Variants in COLEC12 observed in about 807,000 individuals in gnomAD.
COLEC12 encodes collectin-12.
COLEC12 carries 33 observed loss-of-function variants against 71.1 expected under a neutral mutation model. The ratio of observed to expected loss-of-function variants is 0.46; its 90% CI spans 0.35 to 0.62. The LOEUF (loss-of-function observed/expected upper bound fraction) is 0.62, where lower values mean the gene tolerates loss of function less well. Among genes scored for constraint, COLEC12 ranks in the 20% least tolerant of loss-of-function variants. The pLI is 0.00. For synonymous variants in COLEC12, 350 were observed against 353.0 expected (o/e 0.99, Z 0.10); for missense variants, 765 against 916.1 (o/e 0.84, Z 2.13).
intron 2 of COLEC12, among the ~76,000 whole-genome samples, chr18:423,312 G>GT (rs1174134394): frequency 6.6e-6 from 1 of 152,132 alleles, no homozygotes; most frequent in African/African-American, 2.4e-5. Flanking sequence ...CCTAGAACAT[G>GT]TGCAGGACAT....
At position 327,829 on chromosome 18, in the gene COLEC12, G is replaced by A. The variant is rs7241801; in HGVS notation, c.2063+3839C>T. Among the ~76,000 whole-genome samples the A allele has an allele frequency of 6.6e-6, 1 of 152,220 alleles. No individual in the cohort carries two copies. Among genetic ancestry groups the A allele is most frequent in the East Asian group, 1.9e-4 (1 of 5,180 alleles). On this transcript the variant is annotated intron_variant, in intron 8 of 9. Coordinates refer to ENST00000400256, the MANE Select transcript of COLEC12 (RefSeq NM_130386.3). This position sits in a 1 kb window ranked among gnomAD's most constrained non-coding sequence, Gnocchi z 4.0. The stretch of plus-strand genomic sequence containing the variant: ...GGGATGGGACGGTGCCAGGCCCATC[G>A]GCTTCTATTTTTTGGAAGAGTTTAA...
At chr18:382,215 A>G (rs1047635486) in intron 2 of COLEC12, among the ~76,000 whole-genome samples, 6 of 152,242 alleles carry the variant, frequency 3.9e-5, no homozygotes, top group Non-Finnish European at 8.8e-5. Context: ...GTGTCTTTAA[A>G]TTATCAAAAT....
At chr18:386,071 A>C (rs1915338841) in intron 2 of COLEC12, among the ~76,000 whole-genome samples, 1 of 151,594 alleles carries the variant, frequency 6.6e-6, no homozygotes, top group East Asian at 1.9e-4. Context: ...ACTGTGGGAA[A>C]AGTTAGGATT....
chr18:374,500 G>C (rs776875842), intron 2 of COLEC12, among the ~76,000 whole-genome samples: 10 of 152,244 alleles, frequency 6.6e-5, no homozygotes, highest in Non-Finnish European at 1.5e-4. Flanking sequence ...CATATGTTTG[G>C]GCATGATTTC....
intron 2 of COLEC12, among the ~76,000 whole-genome samples, chr18:419,362 C>T (rs1048996867): frequency 1.3e-5 from 2 of 152,144 alleles, no homozygotes; most frequent in African/African-American, 4.8e-5. Context: ...CATGCCACCA[C>T]ACTAGGCTAA....
At chr18:455,049 C>G (rs1036139236) in intron 2 of COLEC12, among the ~76,000 whole-genome samples, 3 of 152,128 alleles carry the variant, frequency 2.0e-5, no homozygotes, top group African/African-American at 7.2e-5. Flanking sequence ...AGAAACATTC[C>G]CATCCCCTCA....
rs1430453202 is a variant in COLEC12, at chr18:362,222, C to G, written c.59-4700G>C. The stretch of plus-strand genomic sequence containing the variant: ...CCAAAGAGCTGGGGCACTTCCTCAC[C>G]GTGTGCATTTCTCACTGCTGACTCT... On this transcript the variant is annotated intron_variant, in intron 2 of 9. Transcript: ENST00000400256. This position sits in a 1 kb window ranked among gnomAD's most constrained non-coding sequence, Gnocchi z 4.6. Among the ~76,000 whole-genome samples the G allele has an allele frequency of 6.6e-6, 1 of 152,230 alleles. No homozygotes were observed. Among genetic ancestry groups the G allele is most frequent in the African/African-American group, 2.4e-5 (1 of 41,472 alleles).
chr18:371,976 G>C (rs674093), intron 2 of COLEC12, among the ~76,000 whole-genome samples: 65,969 of 151,970 alleles, frequency 0.43, 14,399 homozygotes, highest in Middle Eastern at 0.49. Flanking sequence ...AGGCACTGTG[G>C]TGATTCCTGC....
chr18:350,298 T>C (rs571993020), intron 3 of COLEC12, among the ~76,000 whole-genome samples: 187 of 152,312 alleles, frequency 1.2e-3, no homozygotes, highest in Non-Finnish European at 2.1e-3. Flanking sequence ...TTTCTCTTGC[T>C]GCTGCCGTGT....
intron 8 of COLEC12, among the ~76,000 whole-genome samples, chr18:329,263 C>T (rs1205821079): frequency 2.6e-5 from 4 of 152,224 alleles, no homozygotes; most frequent in African/African-American, 9.6e-5. Flanking sequence ...TGGGCCAATC[C>T]AGTTTTTTTC....
At chr18:491,019 G>C (rs1432429787) in intron 1 of COLEC12, among the ~76,000 whole-genome samples, 1 of 152,206 alleles carries the variant, frequency 6.6e-6, no homozygotes, top group East Asian at 1.9e-4. Context: ...TGGTATCACT[G>C]GTTGTTAAAA....
In COLEC12 at chr18:394,186, A is replaced by G. The variant is rs1915520611; in HGVS notation, c.59-36664T>C. Among the ~76,000 whole-genome samples the G allele has an allele frequency of 2.0e-5, 3 of 152,376 alleles. No homozygotes were observed. The South Asian group carries it at 6.2e-4, about 32-fold the overall frequency. On this transcript the variant is annotated intron_variant, in intron 2 of 9. Coordinates refer to ENST00000400256, the MANE Select transcript of COLEC12 (RefSeq NM_130386.3). ...AAAGCAATTGAGTAAAGTCAGAAAT[A>G]GAGAAAATTGTGCCCAATTCTGTTT...
chr18:337,795 T>A (rs1161840385), intron 5 of COLEC12, among the ~76,000 whole-genome samples: 1 of 152,162 alleles, frequency 6.6e-6, no homozygotes, highest in Non-Finnish European at 1.5e-5. Flanking sequence ...GAACTTCTTG[T>A]CTCTTTGCTG....
Position 335,175 on chromosome 18 carries a change from G to A in COLEC12, c.1383C>T (p.Gly461=), listed in dbSNP as rs2143441562. ...CTTTCTGTCCCTTGTTGCCAGTTGG[G>A]CCAGGGGGTCCCTGGGATCCTCTGT... ...RGDRGSQGPP[G]PTGNKGQKGE... is the part of the protein sequence containing the mutation. The change falls in exon 6 of 10, where the codon GGC becomes GGT. Residue 461 remains glycine (G), a synonymous_variant. Transcript: ENST00000400256. 6.2e-7 allele frequency: 1 copy of A among 1,611,898 alleles called. No homozygotes were observed. Among genetic ancestry groups the A allele is most frequent in the East Asian group, 2.2e-5 (1 of 44,720 alleles).
chr18:357,518 A>G lies in COLEC12; in HGVS notation c.63T>C (p.Ile21=). The part of the protein sequence containing the change: ...VQSFGYKRFG[I]QEGTQCTKCK... Reference sequence around the variant, plus strand: ...ATTTGGTACATTGTGTTCCTTCCTGAATACCTGTAAGAGAAGTCAAATTTT... The same window carrying G: ...ATTTGGTACATTGTGTTCCTTCCTGGATACCTGTAAGAGAAGTCAAATTTT... Residue 21 remains isoleucine, a synonymous_variant, in exon 3 of 10, where the codon ATT becomes ATC. Coordinates refer to ENST00000400256, the MANE Select transcript of COLEC12 (RefSeq NM_130386.3). 2 of 1,548,790 alleles carry G rather than the reference A, an allele frequency of 1.3e-6. No individual in the cohort carries two copies. The highest frequency in any genetic ancestry group is 1.7e-6 in the Non-Finnish European group (2 of 1,145,016).
chr18:377,357 C>T (rs923955217), intron 2 of COLEC12, among the ~76,000 whole-genome samples: 4 of 152,208 alleles, frequency 2.6e-5, no homozygotes, highest in South Asian at 2.1e-4. Flanking sequence ...GTCAGGCTGC[C>T]GCCTGAAACT....
rs927240637 is a variant in COLEC12 at position 353,162 on chromosome 18, C to T, written c.181+4238G>A. ...TTGACTCCACTTCTCCTTGAAGGTC[C>T]GCTCCACACCTCACTACCCCATTGT... On this transcript the variant is annotated intron_variant, in intron 3 of 9. Coordinates refer to ENST00000400256, the MANE Select transcript of COLEC12 (RefSeq NM_130386.3). 4.6e-5 allele frequency among the ~76,000 whole-genome samples: 7 copies of T among 152,262 alleles called. No individual in the cohort carries two copies. In the South Asian group the frequency reaches 8.3e-4, roughly 18 times the overall value.
At chr18:402,845 C>T (rs532701815) in intron 2 of COLEC12, among the ~76,000 whole-genome samples, 53 of 152,140 alleles carry the variant, frequency 3.5e-4, no homozygotes, top group African/African-American at 1.3e-3. Flanking sequence ...TCTGAAGCGT[C>T]TCTCAGGAAG....
chr18:497,538 G>A (rs979814819), intron 1 of COLEC12, among the ~76,000 whole-genome samples: 1 of 152,170 alleles, frequency 6.6e-6, no homozygotes, highest in South Asian at 2.1e-4. Flanking sequence ...CCAAGTAGCT[G>A]GGACTACAGG....
Sources: gnomAD v4.1 joint callset for allele counts (sites outside exome capture counted in the v4.1 genomes callset) on GRCh38, gnomAD v4.1.1 for gene constraint, Gnocchi (gnomAD v3.1) non-coding constraint, MANE v1.5 for transcripts, NCBI Gene and HGNC (gene_info 2026-07-23, HGNC 2026-07-21) for gene names.